Variants in SPACA6 observed in about 807,000 individuals in gnomAD.
SPACA6 encodes sperm acrosome membrane-associated protein 6.
For synonymous variants in SPACA6, 6 were observed against 1.5 expected (o/e 4.05, Z -2.21); for missense variants, 8 against 2.8 (o/e 2.88, Z -1.34).
chr19:51,710,608 G>A (rs753347674), intron 2 of SPACA6, among the ~76,000 whole-genome samples: 7 of 152,200 alleles, frequency 4.6e-5, no homozygotes, highest in Non-Finnish European at 1.0e-4. Context: ...ATTTAAGGGC[G>A]AAGTCTGGTC....
chr19:51,709,970 G>A (rs768812571), downstream of SPACA6, among the ~76,000 whole-genome samples: 5 of 152,188 alleles, frequency 3.3e-5, no homozygotes, highest in African/African-American at 4.8e-5. Flanking sequence ...GATCTGCACC[G>A]TCCAGTAGCG....
chr19:51,697,216 G>A, intron 2 of SPACA6, among the ~76,000 whole-genome samples: 1 of 152,162 alleles, frequency 6.6e-6, no homozygotes. Context: ...AGCTGTTGGA[G>A]GACTTTACAC....
rs1180636479 is a variant in SPACA6 at position 51,701,683 on chromosome 19, T to C, written c.318T>C (p.Asp106=). Residue 106 remains aspartate, a synonymous_variant, in exon 3 of 9, where the codon GAT becomes GAC. Transcript: ENST00000637797. ...AQGSFEVAFP[D]AAEKMKKVIT... ...GATCCTTTGAGGTTGCCTTCCCTGA[T>C]GCTGCGGAGAAAATGAAGAAGGTCA... The C allele has an allele frequency of 2.5e-6, 1 of 398,918 alleles. No homozygotes were observed. The highest frequency in any genetic ancestry group is 4.4e-6 in the Non-Finnish European group (1 of 226,086). The allele number at this position is 398,918 out of a possible 1,614,324, so 24.7% of individuals were successfully genotyped here.
At chr19:51,694,760 G>A (rs1037988420) in intron 2 of SPACA6, among the ~76,000 whole-genome samples, 1 of 152,340 alleles carries the variant, frequency 6.6e-6, no homozygotes, top group East Asian at 1.9e-4. Flanking sequence ...AAGGTGGTGA[G>A]GGGGAAGGGA....
intron 1 of SPACA6, 87 bp from the exon 2 acceptor site, chr19:51,694,391 G>A: frequency 2.5e-6 from 1 of 399,032 alleles, no homozygotes; most frequent in Non-Finnish European, 4.4e-6. Context: ...TGGGAGGGCA[G>A]AGACTCAGAA....
At chr19:51,693,240 A>G, upstream of SPACA6, 2 of 668,232 alleles carry the variant, frequency 3.0e-6, no homozygotes, top group Non-Finnish European at 5.8e-6. Context: ...CTACCGGGCC[A>G]CCGCACACCA....
At chr19:51,702,885 A>G in intron 4 of SPACA6, 136 bp from the exon 5 acceptor site, 1 of 398,858 alleles carries the variant, frequency 2.5e-6, no homozygotes, top group Non-Finnish European at 4.4e-6. Flanking sequence ...AGAGTCGGCC[A>G]AAGACAGCAG....
intron 2 of SPACA6, among the ~76,000 whole-genome samples, chr19:51,697,236 G>A (rs2122207299): frequency 6.6e-6 from 1 of 152,300 alleles, no homozygotes; most frequent in African/African-American, 2.4e-5. Flanking sequence ...CAGAGAGACA[G>A]GATCTGACCT....
intron 2 of SPACA6, among the ~76,000 whole-genome samples, 162 bp downstream of exon 2, chr19:51,694,717 A>G (rs778860660): frequency 6.7e-5 from 10 of 148,246 alleles, no homozygotes; most frequent in Non-Finnish European, 1.2e-4. Context: ...TGTCCAAACG[A>G]AGGCTGAAGG....
upstream of SPACA6, among the ~76,000 whole-genome samples, chr19:51,690,363 C>A (rs527691962): frequency 6.6e-6 from 1 of 152,122 alleles, no homozygotes; most frequent in Non-Finnish European, 1.5e-5. Flanking sequence ...GGCCCCCAAC[C>A]CTCTGTTCCT....
chr19:51,704,819 C>T, intron 8 of SPACA6: 1 of 378,428 alleles, frequency 2.6e-6, no homozygotes, highest in Non-Finnish European at 4.7e-6. Flanking sequence ...GTCCCCTCCT[C>T]CCGCAGATCC....
chr19:51,697,967 C>T (rs1305663372), intron 2 of SPACA6, among the ~76,000 whole-genome samples: 1 of 152,160 alleles, frequency 6.6e-6, no homozygotes, highest in African/African-American at 2.4e-5. Context: ...ACACTCACTA[C>T]GTGCTAGGAG....
downstream of SPACA6, among the ~76,000 whole-genome samples, chr19:51,710,086 A>AAAAAATAAAAATAAGAAAAAAAT: frequency 6.6e-6 from 1 of 152,222 alleles, no homozygotes; most frequent in South Asian, 2.1e-4. Context: ...AGGGTGTCAA[A>AAAAAATAAAAATAAGAAAAAAAT]AAAAATAAAA....
the SPACA6 span, among the ~76,000 whole-genome samples, chr19:51,683,975 T>C: frequency 6.6e-6 from 1 of 152,230 alleles, no homozygotes; most frequent in Non-Finnish European, 1.5e-5. Context: ...TGCATATGTA[T>C]ACATTTATAT....
chr19:51,690,507 C>T (rs1245754375), upstream of SPACA6, among the ~76,000 whole-genome samples: 1 of 152,102 alleles, frequency 6.6e-6, no homozygotes, highest in Non-Finnish European at 1.5e-5. Flanking sequence ...GTCCAGCCCT[C>T]CAGGGGTTAA....
chr19:51,685,752 A>G (rs2083325445), upstream of SPACA6: 1 of 152,204 alleles, frequency 6.6e-6, no homozygotes, highest in Non-Finnish European at 1.5e-5. Flanking sequence ...CCTGGGCTCA[A>G]GTGATCCTCC....
intron 2 of SPACA6, among the ~76,000 whole-genome samples, chr19:51,697,139 A>G (rs912743766): frequency 6.6e-6 from 1 of 152,190 alleles, no homozygotes; most frequent in Non-Finnish European, 1.5e-5. Flanking sequence ...TGCTCCGGGA[A>G]CACTCTTTGA....
At chr19:51,704,212 T>G (rs879381616) in intron 7 of SPACA6, 26 bp downstream of exon 7, 2 of 400,526 alleles carry the variant, frequency 5.0e-6, no homozygotes, top group Non-Finnish European at 8.9e-6. Flanking sequence ...GCCGCGTGAG[T>G]GAGCGGGGTC....
rs1170906797 is a variant in SPACA6 at position 51,704,339 on chromosome 19, C to G, written c.800C>G (p.Pro267Arg). 7.5e-6 allele frequency: 3 copies of G among 400,758 alleles called. No homozygotes were observed. The highest frequency in any genetic ancestry group is 1.3e-5 in the Non-Finnish European group (3 of 226,150). 24.8% of individuals were successfully genotyped at this position (400,758 alleles called of 1,614,324 possible). A position where few individuals can be genotyped will look rare whatever the true frequency, so the allele number is the denominator to read the frequency against. The change falls in exon 8 of 9, where the codon CCG becomes CGG. Residue 267 changes from proline to arginine, a missense_variant. By Grantham distance (103) the Pro-to-Arg change is moderately radical. Coordinates refer to ENST00000637797, the MANE Select transcript of SPACA6 (RefSeq NM_001316972.2). Reference sequence around the variant, plus strand: ...TTCCGGGAAGTGCTGCGCTGGGCGCCGCGGGATGCCGAGCTGATCGAGCCC... The same window carrying G: ...TTCCGGGAAGTGCTGCGCTGGGCGCGGCGGGATGCCGAGCTGATCGAGCCC... ...ASFREVLRWA[P>R]RDAELIEPWR...
Sources: gnomAD v4.1 joint callset for allele counts (sites outside exome capture counted in the v4.1 genomes callset) on GRCh38, gnomAD v4.1.1 for gene constraint, MANE v1.5 for transcripts, NCBI Gene and HGNC (gene_info 2026-07-23, HGNC 2026-07-21) for gene names.